TUT4: variants seen among roughly 807,000 people sequenced by gnomAD.
TUT4 encodes terminal uridylyltransferase 4.
A neutral mutation model predicts 192.2 loss-of-function variants in TUT4; 36 were observed. That is an observed-to-expected ratio of 0.19 (90% confidence interval 0.14 to 0.25). The LOEUF is 0.25. Ranked by LOEUF, TUT4 falls within the 10% of genes least tolerant of loss-of-function variation. TUT4 has a pLI of 1.00. For synonymous variants in TUT4, 618 were observed against 666.0 expected, an observed-to-expected ratio of 0.93 and a Z score of 1.11; for missense variants, 1,493 against 1,957.2, an observed-to-expected ratio of 0.76 and a Z score of 4.47.
Position 52,423,874 on chromosome 1 carries a change from G to T in TUT4, c.*61C>A. The T allele has an allele frequency of 2.5e-6, 4 of 1,592,402 alleles. No homozygotes were observed. The highest frequency in any genetic ancestry group is 3.4e-6 in the Non-Finnish European group (4 of 1,169,412). ...GACATTGAGGTACGGATACCCTTGA[G>T]ACAGCAGGATTGGCTGGTTGCTGTG... On this transcript the variant is annotated 3_prime_UTR_variant, in exon 30 of 30. Coordinates refer to ENST00000257177, the MANE Select transcript of TUT4 (RefSeq NM_001009881.3).
At chr1:52,541,810 A>G (rs1334076388) in intron 1 of TUT4, among the ~76,000 whole-genome samples, 1 of 152,222 alleles carries the variant, frequency 6.6e-6, no homozygotes, top group East Asian at 1.9e-4. Context: ...ACAACTCCTC[A>G]AAAAATTAAA....
Position 52,474,946 on chromosome 1 carries a change from A to G in TUT4, c.2613T>C (p.Ala871=). 1 of 1,614,212 alleles carries G rather than the reference A, an allele frequency of 6.2e-7. No homozygotes were observed. Among genetic ancestry groups the G allele is most frequent in the Non-Finnish European group, 8.5e-7 (1 of 1,180,030 alleles). The change falls in exon 13 of 30, where the codon GCT becomes GCC. Residue 871 remains alanine (A), a synonymous_variant. Transcript: ENST00000257177. Reference sequence around the variant, plus strand: ...CTGTAGCTTTGCAGTTGCAAGAGGTAGCAGATGTGTCGGTGCACACACTCT... The same window carrying G: ...CTGTAGCTTTGCAGTTGCAAGAGGTGGCAGATGTGTCGGTGCACACACTCT... ...SHQSVCTDTS[A]TSCNCKATED...
chr1:52,507,704 A>G (rs892117490), intron 4 of TUT4, among the ~76,000 whole-genome samples: 3 of 152,246 alleles, frequency 2.0e-5, no homozygotes, highest in Admixed American at 6.5e-5. Context: ...GGAAATGCTC[A>G]TTAAAGTATA....
At chr1:52,476,593 A>C (rs1667135529) in intron 12 of TUT4, among the ~76,000 whole-genome samples, 1 of 152,148 alleles carries the variant, frequency 6.6e-6, no homozygotes, top group African/African-American at 2.4e-5. Context: ...ATCTAAATCC[A>C]CAGGCTTTAA....
At chr1:52,467,055 G>A (rs146127526) in intron 15 of TUT4, among the ~76,000 whole-genome samples, 1,874 of 152,222 alleles carry the variant, frequency 0.012, 32 homozygotes, top group African/African-American at 0.043. Flanking sequence ...TAAGGCAGGA[G>A]GATTGCTTGA....
chr1:52,478,020 T>G (rs563685605), intron 11 of TUT4, 138 bp from the exon 12 acceptor site: 1 of 752,080 alleles, frequency 1.3e-6, no homozygotes, highest in East Asian at 2.7e-5. Context: ...AGCAGTCAGT[T>G]TGAAGCAAAG....
At chr1:52,482,255 G>A (rs1557801729) in intron 9 of TUT4, among the ~76,000 whole-genome samples, 1 of 151,698 alleles carries the variant, frequency 6.6e-6, no homozygotes, top group African/African-American at 2.4e-5. Flanking sequence ...TCTTCTTCTA[G>A]GCCTTTTTCT....
At chr1:52,454,944 A>G (rs1300557759) in intron 20 of TUT4, among the ~76,000 whole-genome samples, 1 of 152,232 alleles carries the variant, frequency 6.6e-6, no homozygotes, top group African/African-American at 2.4e-5. Flanking sequence ...CAAAATAAGC[A>G]TATGAAAAGA....
intron 19 of TUT4, among the ~76,000 whole-genome samples, chr1:52,459,664 G>A (rs547700686): frequency 2.0e-5 from 3 of 151,638 alleles, no homozygotes; most frequent in African/African-American, 2.4e-5. Flanking sequence ...GGCGGGCGGA[G>A]GAGGTCAGGA....
intron 20 of TUT4, among the ~76,000 whole-genome samples, chr1:52,452,579 A>G (rs1659750397): frequency 6.6e-6 from 1 of 152,144 alleles, no homozygotes; most frequent in South Asian, 2.1e-4. Flanking sequence ...TATGTAATGA[A>G]GCCTCCATAA....
At chr1:52,475,948 G>T (rs541075716) in intron 12 of TUT4, among the ~76,000 whole-genome samples, 1 of 151,916 alleles carries the variant, frequency 6.6e-6, no homozygotes, top group African/African-American at 2.4e-5. Flanking sequence ...AGGTTCAAGC[G>T]ATTCTCCTGA....
rs538480677 is a variant in TUT4 at position 52,482,785 on chromosome 1, C to T, written c.1516-862G>A. Among the ~76,000 whole-genome samples, 8 of 152,214 alleles carry T rather than the reference C, an allele frequency of 5.3e-5. No homozygotes were observed. The South Asian group carries it at 6.2e-4, about 12-fold the overall frequency. Reference sequence around the variant, plus strand: ...TTATAGTCTATGATATGGATGGTTACGTAACAGTTCCCCCATTCAAGAACA... The same window carrying T: ...TTATAGTCTATGATATGGATGGTTATGTAACAGTTCCCCCATTCAAGAACA... On this transcript the variant is annotated intron_variant, in intron 9 of 29. Coordinates refer to ENST00000257177, the MANE Select transcript of TUT4 (RefSeq NM_001009881.3).
At chr1:52,522,987 C>CTTTTTTTT (rs748149518) in intron 2 of TUT4, among the ~76,000 whole-genome samples, 4 of 89,566 alleles carry the variant, frequency 4.5e-5, no homozygotes, top group Non-Finnish European at 7.7e-5. Context: ...CCTTAACTAT[C>CTTTTTTTT]TTTTTTTTTT....
At chr1:52,435,185 A>G in intron 27 of TUT4, 180 bp downstream of exon 27, 1 of 416,352 alleles carries the variant, frequency 2.4e-6, no homozygotes, top group African/African-American at 2.0e-5. Context: ...ACAGAAACCC[A>G]GATCTACATT....
At chr1:52,547,716 C>T (rs1207723088) in intron 1 of TUT4, among the ~76,000 whole-genome samples, 1 of 152,156 alleles carries the variant, frequency 6.6e-6, no homozygotes, top group East Asian at 1.9e-4. Context: ...ACATGCTACA[C>T]TATGGCCAAC....
chr1:52,533,062 G>A (rs1367064135), intron 1 of TUT4, among the ~76,000 whole-genome samples: 1 of 152,192 alleles, frequency 6.6e-6, no homozygotes, highest in Non-Finnish European at 1.5e-5. Flanking sequence ...TAGATTGGGA[G>A]TGGGTTCCAA....
chr1:52,484,142 A>G (rs549827029), intron 9 of TUT4, among the ~76,000 whole-genome samples: 1 of 152,308 alleles, frequency 6.6e-6, no homozygotes, highest in African/African-American at 2.4e-5. Flanking sequence ...TGAGCCCAGG[A>G]GTTCAAGGTT....
intron 13 of TUT4, among the ~76,000 whole-genome samples, chr1:52,473,777 T>C (rs147149843): frequency 6.6e-6 from 1 of 152,178 alleles, no homozygotes; most frequent in Admixed American, 6.5e-5. Context: ...AATAATGATA[T>C]TGCAATTATC....
intron 9 of TUT4, 43 bp downstream of exon 9, chr1:52,488,866 C>T (rs1557824439): frequency 6.4e-7 from 1 of 1,565,348 alleles, no homozygotes; most frequent in Non-Finnish European, 8.6e-7. Flanking sequence ...AATACATTTC[C>T]TTCTAAAAAT....
Sources: allele counts gnomAD v4.1 joint callset (sites outside exome capture counted in the v4.1 genomes callset), GRCh38; gene constraint gnomAD v4.1.1; transcripts MANE v1.5; gene names NCBI Gene and HGNC (gene_info 2026-07-23, HGNC 2026-07-21).